Variants in EYS observed in about 807,000 individuals in gnomAD.
EYS encodes EGF-like photoreceptor maintenance factor, also known as protein eyes shut homolog.
Under a neutral mutation model 282.1 loss-of-function variants are expected in EYS, and 250 were observed. The ratio of observed to expected loss-of-function variants is 0.89; its 90% CI spans 0.80 to 0.98. The LOEUF (loss-of-function observed/expected upper bound fraction) is 0.98. EYS is among the 50% of genes least tolerant of loss of function. EYS has a pLI of 0.00. For synonymous variants in EYS, 1,355 were observed against 1,282.9 expected (o/e 1.06, Z -1.20); for missense variants, 4,016 against 3,709.0 (o/e 1.08, Z -2.15).
chr6:64,468,431 T>A (rs1775993209), intron 26 of EYS, among the ~76,000 whole-genome samples: 1 of 152,250 alleles, frequency 6.6e-6, no homozygotes, highest in South Asian at 2.1e-4. Flanking sequence ...CTTGTGTCTT[T>A]ACGTTGATAC....
intron 13 of EYS, among the ~76,000 whole-genome samples, chr6:65,009,499 T>C (rs1452026202): frequency 6.6e-6 from 1 of 152,154 alleles, no homozygotes; most frequent in African/African-American, 2.4e-5. Context: ...TCTGCATCCC[T>C]GTACATCCTG....
intron 12 of EYS, among the ~76,000 whole-genome samples, chr6:65,134,050 C>T (rs1417619014): frequency 6.6e-6 from 1 of 151,874 alleles, no homozygotes; most frequent in African/African-American, 2.4e-5. Flanking sequence ...AAATCAAAAC[C>T]ACAATGAGAT....
At chr6:63,798,993 A>G (rs1280251680) in intron 37 of EYS, among the ~76,000 whole-genome samples, 4 of 128,480 alleles carry the variant, frequency 3.1e-5, no homozygotes, top group South Asian at 2.3e-4. Context: ...GTGTGTATAT[A>G]TATATATATA....
rs561708839 is a variant in EYS at position 65,112,134 on chromosome 6, G to T, written c.2024-54407C>A. 4.8e-4 allele frequency among the ~76,000 whole-genome samples: 73 copies of T among 152,178 alleles called. 1 individual carries two copies. The highest frequency in any genetic ancestry group is 2.5e-3 in the South Asian group (12 of 4,820). ...CATGCTTTCTCTGCAGTCAAAAATT[G>T]TGTTATTCTTGGCATTTTATTATAT... is the stretch of plus-strand genomic sequence containing the variant. On this transcript the variant is annotated intron_variant, in intron 12 of 42. Transcript: ENST00000503581.
chr6:63,812,453 C>G (rs1277433422), intron 36 of EYS, among the ~76,000 whole-genome samples: 1 of 152,138 alleles, frequency 6.6e-6, no homozygotes, highest in East Asian at 1.9e-4. Context: ...ACCCCGTACT[C>G]TCTAGTCTCT....
At chr6:65,212,133 G>A (rs899208268) in intron 12 of EYS, among the ~76,000 whole-genome samples, 1 of 151,934 alleles carries the variant, frequency 6.6e-6, no homozygotes, top group Non-Finnish European at 1.5e-5. Flanking sequence ...AAATACATAA[G>A]AAAGGCTGGA....
chr6:64,954,733 C>T (rs1449965100), intron 14 of EYS, among the ~76,000 whole-genome samples: 1 of 152,100 alleles, frequency 6.6e-6, no homozygotes, highest in Non-Finnish European at 1.5e-5. Context: ...TAGAAAGCTT[C>T]GTCAATTTTT....
chr6:64,871,149 A>T (rs1162829917), intron 19 of EYS, among the ~76,000 whole-genome samples: 1 of 151,918 alleles, frequency 6.6e-6, no homozygotes, highest in East Asian at 1.9e-4. Context: ...GTGAATTACA[A>T]TTATTGTGAT....
chr6:63,919,864 G>C (rs1233963815), intron 35 of EYS, among the ~76,000 whole-genome samples: 1 of 152,228 alleles, frequency 6.6e-6, no homozygotes, highest in African/African-American at 2.4e-5. Flanking sequence ...TAGCAAGACT[G>C]TACAGTCCGA....
chr6:65,063,155 T>C (rs1390672008), intron 12 of EYS, among the ~76,000 whole-genome samples: 3 of 151,962 alleles, frequency 2.0e-5, no homozygotes, highest in African/African-American at 7.2e-5. Flanking sequence ...AAGAACTTAA[T>C]TTACATATTT....
rs147707467 is a variant in EYS at position 65,523,319 on chromosome 6, G to C, written c.-332-27326C>G. On this transcript the variant is annotated intron_variant, in intron 2 of 42. Coordinates refer to ENST00000503581, the MANE Select transcript of EYS (RefSeq NM_001142800.2). ...TGATACACACACACAAACATAGAGA[G>C]ACAGACAGAATGGCGTACTATTCAG... is the stretch of plus-strand genomic sequence containing the variant. 1.2e-3 allele frequency among the ~76,000 whole-genome samples: 190 copies of C among 152,168 alleles called. 1 individual carries two copies. The highest frequency in any genetic ancestry group is 2.4e-3 in the Non-Finnish European group (161 of 67,994).
chr6:65,694,391 A>ATT (rs139263235), intron 1 of EYS, among the ~76,000 whole-genome samples: 9 of 145,358 alleles, frequency 6.2e-5, no homozygotes, highest in Admixed American at 1.4e-4. Flanking sequence ...GATTCTTCAT[A>ATT]TTTTTTTTTT....
intron 9 of EYS, among the ~76,000 whole-genome samples, chr6:65,348,449 T>C (rs9363348): frequency 0.2 from 30,810 of 151,714 alleles, 3,926 homozygotes; most frequent in Admixed American, 0.27. Context: ...TTAGTTATGA[T>C]TTGCATTTAT....
chr6:64,301,225 G>C (rs932443858), intron 30 of EYS, among the ~76,000 whole-genome samples: 3 of 152,184 alleles, frequency 2.0e-5, no homozygotes, highest in African/African-American at 7.2e-5. Context: ...TTTACTAGGC[G>C]ATATTAACTG....
intron 5 of EYS, among the ~76,000 whole-genome samples, chr6:65,439,819 A>G (rs971198673): frequency 7.9e-5 from 12 of 152,026 alleles, no homozygotes; most frequent in Non-Finnish European, 1.6e-4. Flanking sequence ...ATTTAATTAA[A>G]CTCAACAAAC....
intron 29 of EYS, among the ~76,000 whole-genome samples, chr6:64,371,282 T>C (rs1772360611): frequency 6.6e-6 from 1 of 151,880 alleles, no homozygotes; most frequent in South Asian, 2.1e-4. Context: ...CCAGAAGTCA[T>C]TCAGGAGCAG....
chr6:64,975,170 C>G (rs1406558492), intron 14 of EYS, among the ~76,000 whole-genome samples: 2 of 151,728 alleles, frequency 1.3e-5, no homozygotes, highest in African/African-American at 4.8e-5. Context: ...ATCCTGATAT[C>G]TCTCTGAGAA....
chr6:64,868,012 C>CTTGGATTGT (rs1766476713), intron 19 of EYS, among the ~76,000 whole-genome samples: 1 of 151,212 alleles, frequency 6.6e-6, no homozygotes, highest in African/African-American at 2.4e-5. Flanking sequence ...TTAGAAGAAG[C>CTTGGATTGT]TCTAATACCA....
At chr6:64,227,441 T>C (rs932137525) in intron 31 of EYS, among the ~76,000 whole-genome samples, 1 of 152,102 alleles carries the variant, frequency 6.6e-6, no homozygotes, top group African/African-American at 2.4e-5. Flanking sequence ...TTAAATTTGA[T>C]TTTCCAGCTA....
Sources: allele counts gnomAD v4.1 joint callset (sites outside exome capture counted in the v4.1 genomes callset), GRCh38; gene constraint gnomAD v4.1.1; transcripts MANE v1.5; gene names NCBI Gene and HGNC (gene_info 2026-07-23, HGNC 2026-07-21).